UGDH: variants seen among roughly 807,000 people sequenced by gnomAD.
The protein encoded by UGDH is UDP-Glc dehydrogenase.
Under a neutral mutation model 50.6 loss-of-function variants are expected in UGDH, and 38 were observed. That is an observed-to-expected ratio of 0.75 (90% CI 0.58 to 0.98). UGDH has a LOEUF of 0.98. Among genes scored for constraint, UGDH ranks in the 50% least tolerant of loss-of-function variants. The probability of loss-of-function intolerance (pLI) is 0.00; values close to 1 mark genes in which losing one functional copy is unlikely to be tolerated. For synonymous variants in UGDH, 168 were observed against 199.9 expected (o/e 0.84, Z 1.35); for missense variants, 465 against 606.2 (o/e 0.77, Z 2.45).
chr4:39,524,308 C>G (rs928061013), intron 1 of UGDH, among the ~76,000 whole-genome samples: 2 of 152,136 alleles, frequency 1.3e-5, no homozygotes, highest in African/African-American at 4.8e-5. Flanking sequence ...CACAGCCAGG[C>G]TAACAGTTAT....
chr4:39,520,160 G>A (rs549549539), intron 2 of UGDH, among the ~76,000 whole-genome samples: 40 of 152,248 alleles, frequency 2.6e-4, no homozygotes, highest in Non-Finnish European at 5.0e-4. Context: ...CCAACATGGC[G>A]AAACCTCGTC....
chr4:39,508,693 T>C (rs753749456), intron 6 of UGDH, 33 bp from the exon 7 acceptor site: 3 of 1,564,990 alleles, frequency 1.9e-6, no homozygotes, highest in Non-Finnish European at 2.6e-6. Context: ...AATATTTTCA[T>C]GTAAGAACGA....
At chr4:39,504,307 CA>C (rs1383198363) in intron 10 of UGDH, 109 bp downstream of exon 10, 8,339 of 741,402 alleles carry the variant, frequency 0.011, 2 homozygotes, top group Non-Finnish European at 0.012. Flanking sequence ...GACTCCATCT[CA>C]AAAAAAAAAA....
intron 1 of UGDH, among the ~76,000 whole-genome samples, chr4:39,522,296 A>C (rs1746695144): frequency 1.3e-5 from 2 of 152,228 alleles, no homozygotes; most frequent in African/African-American, 4.8e-5. Context: ...TTTATCCGTT[A>C]TAATGAGAAC....
intron 11 of UGDH, among the ~76,000 whole-genome samples, chr4:39,502,685 C>A (rs7667766): frequency 0.64 from 96,999 of 152,144 alleles, 31,302 homozygotes; most frequent in East Asian, 0.86. Flanking sequence ...TAGATGTAAC[C>A]TACAAAAACA....
At position 39,499,651 on chromosome 4, in the gene UGDH, T is replaced by C. The variant is rs912099643; in HGVS notation, c.*492A>G. 2.0e-5 allele frequency: 3 copies of C among 152,238 alleles called. No homozygotes were observed. Among genetic ancestry groups the C allele is most frequent in the African/African-American group, 7.2e-5 (3 of 41,466 alleles). The allele number at this position is 152,238 out of a possible 1,614,324, so 9.4% of individuals were successfully genotyped here. ...ATTATAAAAATATGTAAAAAAATTC[T>C]AGATTCATAATTACCAGATATGCTA... is the stretch of plus-strand genomic sequence containing the variant. On this transcript the variant is annotated 3_prime_UTR_variant, in exon 12 of 12. Transcript: ENST00000316423.
At chr4:39,523,981 CAAGTA>C (rs1339769755) in intron 1 of UGDH, among the ~76,000 whole-genome samples, 1 of 152,130 alleles carries the variant, frequency 6.6e-6, no homozygotes, top group Non-Finnish European at 1.5e-5. Context: ...CTCCCAGCTA[CAAGTA>C]AATATACATA....
intron 3 of UGDH, among the ~76,000 whole-genome samples, chr4:39,511,211 T>C (rs1293005304): frequency 6.6e-6 from 1 of 152,132 alleles, no homozygotes; most frequent in Non-Finnish European, 1.5e-5. Context: ...TCTTATTCCC[T>C]TTCTTTATTG....
chr4:39,508,592 G>A lies in UGDH; in HGVS notation c.880C>T (p.Pro294Ser). The part of the protein sequence containing the change: ...LVYLCEALNL[P>S]EVARYWQQVI... ...TGCTGCCAATAACGAGCTACTTCTG[G>A]CAAATTCAGAGCCTCACAGAGATAA... Residue 294 changes from proline (P) to serine (S), a missense_variant, in exon 7 of 12, where the codon CCA (proline) becomes TCA (serine). Pro to Ser is a moderately conservative substitution (Grantham distance 74). Transcript: ENST00000316423. The A allele has an allele frequency of 1.9e-6, 3 of 1,610,308 alleles. No homozygotes were observed. Among genetic ancestry groups the A allele is most frequent in the Non-Finnish European group, 2.5e-6 (3 of 1,178,796 alleles).
chr4:39,504,104 C>T (rs1745933494), intron 10 of UGDH, 119 bp from the exon 11 acceptor site: 9 of 771,286 alleles, frequency 1.2e-5, no homozygotes, highest in East Asian at 5.5e-5. Flanking sequence ...GTCAGGAGAT[C>T]GAGACCATCC....
At position 39,508,664 on chromosome 4, in the gene UGDH, C is replaced by T; in HGVS notation, c.812-4G>A. On this transcript the variant is annotated splice_polypyrimidine_tract_variant and splice_region_variant and intron_variant, in intron 6 of 11. Coordinates refer to ENST00000316423, the MANE Select transcript of UGDH (RefSeq NM_003359.4). Reference sequence around the variant, plus strand: ...TGGAAACAGCTCCCACCAAACCCTGCAGAAAGAAAAAAATGAACAATATTT... The same window carrying T: ...TGGAAACAGCTCCCACCAAACCCTGTAGAAAGAAAAAAATGAACAATATTT... 6.3e-7 allele frequency: 1 copy of T among 1,581,964 alleles called. No homozygotes were observed. The highest frequency in any genetic ancestry group is 1.4e-5 in the African/African-American group (1 of 71,728).
At chr4:39,523,806 C>CAA (rs35858120) in intron 1 of UGDH, among the ~76,000 whole-genome samples, 5 of 84,842 alleles carry the variant, frequency 5.9e-5, no homozygotes, top group South Asian at 3.5e-4. Flanking sequence ...AACTCCATCT[C>CAA]AAAAAAAAAA....
intron 9 of UGDH, 129 bp downstream of exon 9, chr4:39,505,108 C>A: frequency 1.1e-6 from 1 of 882,416 alleles, no homozygotes; most frequent in Non-Finnish European, 1.6e-6. Context: ...ACTTTAATTT[C>A]AGAGAAATGA....
intron 3 of UGDH, among the ~76,000 whole-genome samples, chr4:39,513,158 T>C (rs1349766935): frequency 2.0e-5 from 3 of 152,192 alleles, no homozygotes; most frequent in Admixed American, 6.5e-5. Context: ...CAACTGGTGA[T>C]AGCTATATCA....
chr4:39,510,259 C>T (rs748959490), intron 5 of UGDH, 94 bp downstream of exon 5: 2 of 1,264,440 alleles, frequency 1.6e-6, no homozygotes, highest in Non-Finnish European at 2.3e-6. Context: ...TAACCTCTTA[C>T]TACTATTAAA....
intron 7 of UGDH, among the ~76,000 whole-genome samples, 160 bp from the exon 8 acceptor site, chr4:39,505,908 A>T (rs1746008185): frequency 6.6e-6 from 1 of 151,790 alleles, no homozygotes; most frequent in Admixed American, 6.6e-5. Context: ...ATGGATTAAA[A>T]AAAAAAAAAA....
chr4:39,506,233 T>TAA (rs373456890), intron 7 of UGDH, among the ~76,000 whole-genome samples: 2 of 131,116 alleles, frequency 1.5e-5, no homozygotes, highest in South Asian at 4.8e-4. Flanking sequence ...GCCGTAAATT[T>TAA]AAAAAAAAAA....
chr4:39,514,295 G>A, intron 2 of UGDH, 111 bp from the exon 3 acceptor site: 1 of 884,700 alleles, frequency 1.1e-6, no homozygotes, highest in South Asian at 1.5e-5. Flanking sequence ...GTAATTTAAA[G>A]GTCTAGGTTG....
intron 1 of UGDH, 166 bp downstream of exon 1, chr4:39,527,117 G>T (rs1261457574): frequency 2.3e-6 from 3 of 1,289,106 alleles, no homozygotes; most frequent in African/African-American, 1.5e-5. Flanking sequence ...TGCGGTTCCC[G>T]CCCTAAGCCC....
Sources: gnomAD v4.1 joint callset for allele counts (sites outside exome capture counted in the v4.1 genomes callset) on GRCh38, gnomAD v4.1.1 for gene constraint, MANE v1.5 for transcripts, NCBI Gene and HGNC (gene_info 2026-07-23, HGNC 2026-07-21) for gene names.